Variants in TMEM132D observed in about 807,000 individuals in gnomAD.
The protein encoded by TMEM132D is transmembrane protein 132D, also known as mature OL transmembrane protein.
A neutral mutation model predicts 62.3 loss-of-function variants in TMEM132D; 21 were observed. The ratio of observed to expected loss-of-function variants is 0.34; its 90% CI spans 0.24 to 0.49. The LOEUF is 0.49. TMEM132D is among the 20% of genes least tolerant of loss of function. TMEM132D has a pLI of 0.99. For missense variants in TMEM132D, 1,346 were observed against 1,402.8 expected, an observed-to-expected ratio of 0.96 and a Z score of 0.65; for synonymous variants, 621 against 575.6, an observed-to-expected ratio of 1.08 and a Z score of -1.13.
intron 4 of TMEM132D, among the ~76,000 whole-genome samples, chr12:129,335,069 T>C (rs766154380): frequency 1.3e-5 from 2 of 151,620 alleles, no homozygotes; most frequent in Non-Finnish European, 2.9e-5. Flanking sequence ...AGTTAAGTAA[T>C]CATAATATAG....
At chr12:129,636,698 ATGTGTG>A (rs542826978) in intron 2 of TMEM132D, among the ~76,000 whole-genome samples, 10,662 of 107,906 alleles carry the variant, frequency 0.099, 1,366 homozygotes, top group African/African-American at 0.31. Context: ...TCATACAGAA[ATGTGTG>A]TGTGTGTGTG....
intron 3 of TMEM132D, among the ~76,000 whole-genome samples, chr12:129,513,717 C>T (rs1566093586): frequency 6.6e-6 from 1 of 151,732 alleles, no homozygotes; most frequent in Non-Finnish European, 1.5e-5. Flanking sequence ...GATCTCCTGA[C>T]CTCATGATCC....
chr12:129,501,608 G>A (rs138141826), intron 3 of TMEM132D, among the ~76,000 whole-genome samples: 37 of 152,000 alleles, frequency 2.4e-4, no homozygotes, highest in Non-Finnish European at 4.0e-4. Flanking sequence ...TAACTCAAGC[G>A]ATCCTCCTGC....
chr12:129,631,917 C>T (rs1879354290), intron 2 of TMEM132D, among the ~76,000 whole-genome samples: 1 of 152,062 alleles, frequency 6.6e-6, no homozygotes, highest in African/African-American at 2.4e-5. Flanking sequence ...TCAGACTTAC[C>T]ACATAAGAGC....
intron 4 of TMEM132D, among the ~76,000 whole-genome samples, chr12:129,274,713 C>T (rs1880955503): frequency 6.6e-6 from 1 of 152,010 alleles, no homozygotes; most frequent in Non-Finnish European, 1.5e-5. Context: ...AGTGAAACCC[C>T]GTCTCTACTA....
chr12:129,604,037 A>G (rs2137145019), intron 2 of TMEM132D, among the ~76,000 whole-genome samples: 1 of 152,334 alleles, frequency 6.6e-6, no homozygotes, highest in East Asian at 1.9e-4. Flanking sequence ...GAAGCTGGAA[A>G]TCATTATTCT....
chr12:129,165,895 G>T (rs116869452), intron 5 of TMEM132D, among the ~76,000 whole-genome samples: 1 of 152,170 alleles, frequency 6.6e-6, no homozygotes, highest in Non-Finnish European at 1.5e-5. Context: ...TGATGCTCTC[G>T]ATAAGAATAA....
intron 5 of TMEM132D, among the ~76,000 whole-genome samples, chr12:129,121,252 T>A (rs1876050844): frequency 6.6e-6 from 1 of 152,034 alleles, no homozygotes; most frequent in African/African-American, 2.4e-5. Context: ...TGCACCACCA[T>A]GCCTGGCTAA....
intron 4 of TMEM132D, among the ~76,000 whole-genome samples, chr12:129,211,750 G>T (rs552604006): frequency 1.2e-4 from 18 of 152,262 alleles, no homozygotes; most frequent in African/African-American, 4.1e-4. Context: ...ATATGCATAG[G>T]CCTTCAAAGT....
chr12:129,897,656 T>C (rs1417207329), intron 1 of TMEM132D, among the ~76,000 whole-genome samples: 2 of 152,228 alleles, frequency 1.3e-5, no homozygotes, highest in Non-Finnish European at 2.9e-5. Flanking sequence ...CCTGGTGGTC[T>C]TGGAAGTAAA....
intron 4 of TMEM132D, among the ~76,000 whole-genome samples, chr12:129,268,917 G>A (rs1165425202): frequency 1.3e-5 from 2 of 150,372 alleles, no homozygotes; most frequent in Non-Finnish European, 2.9e-5. Context: ...ACTATCGCAA[G>A]GACAAAAAAC....
At chr12:129,541,805 AG>A (rs1273361588) in intron 2 of TMEM132D, among the ~76,000 whole-genome samples, 5 of 152,216 alleles carry the variant, frequency 3.3e-5, no homozygotes, top group Non-Finnish European at 7.3e-5. Flanking sequence ...GGTGTCTGGT[AG>A]AAAATCAATT....
intron 2 of TMEM132D, among the ~76,000 whole-genome samples, chr12:129,558,285 A>T (rs369978197): frequency 6.6e-6 from 1 of 152,216 alleles, no homozygotes; most frequent in South Asian, 2.1e-4. Flanking sequence ...GAAGTGACAC[A>T]CATCGTTTGG....
At chr12:129,195,935 G>A (rs1277904355) in intron 5 of TMEM132D, among the ~76,000 whole-genome samples, 1 of 152,050 alleles carries the variant, frequency 6.6e-6, no homozygotes, top group African/African-American at 2.4e-5. Context: ...GAGACCAGCT[G>A]GGCCAACGTG....
intron 4 of TMEM132D, among the ~76,000 whole-genome samples, chr12:129,292,339 T>C (rs1283620038): frequency 1.3e-5 from 2 of 152,206 alleles, no homozygotes; most frequent in Non-Finnish European, 2.9e-5. Context: ...TAGCTCCCAT[T>C]AGCGTATCTG....
At chr12:129,720,170 G>A (rs533998978) in intron 1 of TMEM132D, among the ~76,000 whole-genome samples, 73 of 152,172 alleles carry the variant, frequency 4.8e-4, no homozygotes, top group Non-Finnish European at 9.3e-4. Context: ...CTGGTGTCAG[G>A]CTAATTACAA....
chr12:129,248,921 C>A (rs1593311163), intron 4 of TMEM132D, among the ~76,000 whole-genome samples: 2 of 152,142 alleles, frequency 1.3e-5, no homozygotes, highest in South Asian at 4.2e-4. Context: ...TGTATATGTA[C>A]CACTTTATAT....
At chr12:129,624,278 T>C (rs1879155323) in intron 2 of TMEM132D, among the ~76,000 whole-genome samples, 1 of 152,356 alleles carries the variant, frequency 6.6e-6, no homozygotes, top group Non-Finnish European at 1.5e-5. Flanking sequence ...TGCAAAAGCT[T>C]CTCTTTAAGA....
At chr12:129,293,921 T>C (rs1282253137) in intron 4 of TMEM132D, among the ~76,000 whole-genome samples, 1 of 152,314 alleles carries the variant, frequency 6.6e-6, no homozygotes, top group Non-Finnish European at 1.5e-5. Context: ...GGGACTCCTG[T>C]TCTGGGGCTT....
Sources: allele counts gnomAD v4.1 joint callset (sites outside exome capture counted in the v4.1 genomes callset), GRCh38; gene constraint gnomAD v4.1.1; transcripts MANE v1.5; gene names NCBI Gene and HGNC (gene_info 2026-07-23, HGNC 2026-07-21).